Variants in MIA2 observed in about 807,000 individuals in gnomAD.
MIA2 encodes the protein melanoma inhibitory activity protein 2.
A neutral mutation model predicts 167.8 loss-of-function variants in MIA2; 127 were observed. The ratio of observed to expected loss-of-function variants is 0.76; its 90% CI spans 0.66 to 0.88. The LOEUF (loss-of-function observed/expected upper bound fraction) is 0.88, where lower values mean the gene tolerates loss of function less well. MIA2 is among the 40% of genes least tolerant of loss of function. The probability of loss-of-function intolerance (pLI) is 0.00; values close to 1 mark genes in which losing one functional copy is unlikely to be tolerated. For missense variants in MIA2, 1,690 were observed against 1,624.7 expected (o/e 1.04, Z -0.69); for synonymous variants, 552 against 541.9 (o/e 1.02, Z -0.26).
Position 39,298,164 on chromosome 14 carries a change from A to G in MIA2, c.2497-1700A>G, listed in dbSNP as rs2061698619. 1.3e-5 allele frequency among the ~76,000 whole-genome samples: 2 copies of G among 151,960 alleles called. 1 individual carries two copies. The highest frequency in any genetic ancestry group is 2.9e-5 in the Non-Finnish European group (2 of 67,978). On this transcript the variant is annotated intron_variant, in intron 13 of 28. Coordinates refer to ENST00000640607, the MANE Select transcript of MIA2 (RefSeq NM_001329214.4). ...TCAAAAGTGGCCTTTTCCACCTTGG[A>G]AAATATTTCACCTAGATCAGTCTTA...
intron 23 of MIA2, among the ~76,000 whole-genome samples, chr14:39,380,562 A>G (rs536149936): frequency 2.6e-5 from 4 of 152,000 alleles, no homozygotes; most frequent in East Asian, 1.9e-4. Flanking sequence ...GCATGGTGGC[A>G]TGCCTCTGTA....
At chr14:39,377,951 ATTCT>A (rs1479368426) in intron 23 of MIA2, among the ~76,000 whole-genome samples, 5 of 152,220 alleles carry the variant, frequency 3.3e-5, no homozygotes, top group Non-Finnish European at 5.9e-5. Flanking sequence ...ACCAAGTGAC[ATTCT>A]TTACTTACCA....
At chr14:39,248,532 T>C (rs1031065922) in intron 4 of MIA2, among the ~76,000 whole-genome samples, 1 of 152,096 alleles carries the variant, frequency 6.6e-6, no homozygotes, top group Non-Finnish European at 1.5e-5. Context: ...TCTTTTTTTG[T>C]TTTTAAAGCA....
Position 39,267,261 on chromosome 14 carries a change from C to G in MIA2, c.1888-9673C>G, listed in dbSNP as rs987862660. The stretch of plus-strand genomic sequence containing the variant: ...GGGATGTAAAGTATAACAAGAGGGT[C>G]GGGATGGGCAGCGTAGGCCTGTGAG... On this transcript the variant is annotated intron_variant, in intron 6 of 28. Transcript: ENST00000640607. 5 of 1,419,424 alleles carry G rather than the reference C, an allele frequency of 3.5e-6. No homozygotes were observed. The African/African-American group carries it at 5.8e-5, about 16-fold the overall frequency. 87.9% of individuals were successfully genotyped at this position (1,419,424 alleles called of 1,614,324 possible).
intron 24 of MIA2, among the ~76,000 whole-genome samples, chr14:39,323,784 T>C (rs995260386): frequency 7.2e-5 from 11 of 152,200 alleles, no homozygotes; most frequent in Non-Finnish European, 1.5e-4. Context: ...TTGTAGTCAA[T>C]TGAATATTTG....
chr14:39,277,191 G>T, intron 7 of MIA2, 126 bp downstream of exon 7: 1 of 1,184,740 alleles, frequency 8.4e-7, no homozygotes, highest in Non-Finnish European at 1.1e-6. Context: ...AGAGGTTTTT[G>T]TTTTTTGTTT....
chr14:39,266,032 T>C, intron 6 of MIA2: 1 of 985,480 alleles, frequency 1.0e-6, no homozygotes, highest in Non-Finnish European at 1.2e-6. Context: ...AAAAATCACT[T>C]GCTGTGAACT....
chr14:39,237,241 C>G (rs182593613), intron 2 of MIA2, 186 bp downstream of exon 2: 1 of 666,534 alleles, frequency 1.5e-6, no homozygotes, highest in South Asian at 1.6e-5. Context: ...CATCCTCCCA[C>G]CTCAGCCTCC....
At chr14:39,385,207 A>T (rs1219802188) in intron 23 of MIA2, among the ~76,000 whole-genome samples, 2 of 152,194 alleles carry the variant, frequency 1.3e-5, no homozygotes, top group Non-Finnish European at 2.9e-5. Flanking sequence ...ATTAAACCTG[A>T]CAAACCCAAA....
chr14:39,332,589 G>A (rs141157956), intron 25 of MIA2, among the ~76,000 whole-genome samples: 7 of 152,066 alleles, frequency 4.6e-5, no homozygotes, highest in African/African-American at 1.7e-4. Context: ...TTTACCATTG[G>A]TCTTTGCTGT....
At chr14:39,269,995 C>T (rs995993058) in intron 6 of MIA2, among the ~76,000 whole-genome samples, 1 of 152,122 alleles carries the variant, frequency 6.6e-6, no homozygotes, top group Non-Finnish European at 1.5e-5. Context: ...TGGGTGGAAT[C>T]GCTGAGTCAT....
At chr14:39,240,738 C>T (rs900583461) in intron 3 of MIA2, 91 bp downstream of exon 3, 4 of 779,956 alleles carry the variant, frequency 5.1e-6, no homozygotes, top group Non-Finnish European at 8.4e-6. Context: ...GGTTATGTAC[C>T]TTTTATAGTA....
chr14:39,268,247 A>C (rs906468771), intron 6 of MIA2, among the ~76,000 whole-genome samples: 1 of 152,152 alleles, frequency 6.6e-6, no homozygotes, highest in Admixed American at 6.5e-5. Context: ...TAAAAAGACC[A>C]CTTAATTATT....
At chr14:39,277,778 A>G (rs1329367428) in intron 7 of MIA2, among the ~76,000 whole-genome samples, 1 of 101,624 alleles carries the variant, frequency 9.8e-6, no homozygotes, top group South Asian at 3.1e-4. Flanking sequence ...ATATATATAT[A>G]TATTTATATT....
At chr14:39,386,631 G>A in intron 23 of MIA2, 2 of 1,019,384 alleles carry the variant, frequency 2.0e-6, no homozygotes, top group Non-Finnish European at 3.0e-6. Context: ...TTTTTGGCTG[G>A]CAGTCTGATC....
At chr14:39,267,377 C>G (rs1030338545) in intron 6 of MIA2, 1 of 1,599,080 alleles carries the variant, frequency 6.3e-7, no homozygotes, top group South Asian at 1.1e-5. Flanking sequence ...GGTTCCGGAC[C>G]GAAGGCTGTG....
intron 3 of MIA2, among the ~76,000 whole-genome samples, chr14:39,244,674 A>G (rs1222887798): frequency 1.3e-5 from 2 of 152,260 alleles, no homozygotes; most frequent in African/African-American, 2.4e-5. Flanking sequence ...AGTCTTCATC[A>G]TGTTTCTTCT....
chr14:39,330,510 CTTTG>C (rs1236048403), intron 25 of MIA2, among the ~76,000 whole-genome samples: 3 of 151,896 alleles, frequency 2.0e-5, no homozygotes, highest in East Asian at 3.9e-4. Flanking sequence ...TAGATTTTTA[CTTTG>C]TTTGCTCTTA....
At chr14:39,333,841 A>G (rs920720148) in intron 25 of MIA2, among the ~76,000 whole-genome samples, 3 of 152,158 alleles carry the variant, frequency 2.0e-5, no homozygotes, top group Non-Finnish European at 4.4e-5. Context: ...CTTTTCAATC[A>G]TTTGTGAGCT....
Sources: gnomAD v4.1 joint callset for allele counts (sites outside exome capture counted in the v4.1 genomes callset) on GRCh38, gnomAD v4.1.1 for gene constraint, MANE v1.5 for transcripts, NCBI Gene and HGNC (gene_info 2026-07-23, HGNC 2026-07-21) for gene names.